The following ZBTB7C variants were observed in gnomAD, a reference collection of about 807,000 sequenced individuals.
ZBTB7C encodes zinc finger and BTB domain-containing protein 7C.
Under a neutral mutation model 25.7 loss-of-function variants are expected in ZBTB7C, and 8 were observed. The ratio of observed to expected loss-of-function variants is 0.31; its 90% CI spans 0.18 to 0.56. ZBTB7C has a LOEUF of 0.56. Among genes scored for constraint, ZBTB7C ranks in the 20% least tolerant of loss-of-function variants. The probability of loss-of-function intolerance (pLI) is 0.91; values close to 1 mark genes in which losing one functional copy is unlikely to be tolerated. For synonymous variants in ZBTB7C, 394 were observed against 369.0 expected, an observed-to-expected ratio of 1.07 and a Z score of -0.78; for missense variants, 824 against 855.2, an observed-to-expected ratio of 0.96 and a Z score of 0.46.
intron 3 of ZBTB7C, chr18:48,180,508 G>C (rs2041886568): frequency 5.4e-6 from 2 of 368,334 alleles, no homozygotes; most frequent in Admixed American, 3.3e-5. Context: ...AGCAGGCATG[G>C]GTGGTGTTTG....
chr18:48,074,592 C>A (rs2037687001), intron 3 of ZBTB7C, among the ~76,000 whole-genome samples: 1 of 152,228 alleles, frequency 6.6e-6, no homozygotes, highest in African/African-American at 2.4e-5. Context: ...CTTCCTTGCA[C>A]CTTTCTTGTA....
chr18:48,043,996 A>G (rs2036367347), intron 3 of ZBTB7C, among the ~76,000 whole-genome samples: 1 of 152,126 alleles, frequency 6.6e-6, no homozygotes, highest in Non-Finnish European at 1.5e-5. Flanking sequence ...CTAGAAGAGG[A>G]GAAGGATCCA....
In ZBTB7C at chr18:48,029,169, A is replaced by G. The variant is rs561346554; in HGVS notation, c.*91T>C. The G allele has an allele frequency of 7.1e-7, 1 of 1,413,034 alleles. No homozygotes were observed. Among genetic ancestry groups the G allele is most frequent in the African/African-American group, 1.5e-5 (1 of 65,434 alleles). 87.5% of individuals were successfully genotyped at this position (1,413,034 alleles called of 1,614,324 possible). A position where few individuals can be genotyped will look rare whatever the true frequency, so the allele number is the denominator to read the frequency against. On this transcript the variant is annotated 3_prime_UTR_variant, in exon 5 of 5. Transcript: ENST00000590800. ...TCCCATTTTCCCTTTGTGTTTTTAAAATGAAAAGTTCAGATCCATGGGGTA... is the reference window on the plus strand; with the variant it reads ...TCCCATTTTCCCTTTGTGTTTTTAAGATGAAAAGTTCAGATCCATGGGGTA...
intron 3 of ZBTB7C, among the ~76,000 whole-genome samples, chr18:48,083,348 G>T (rs959865962): frequency 1.1e-4 from 16 of 152,164 alleles, no homozygotes; most frequent in African/African-American, 3.9e-4. Flanking sequence ...TAACAATCTA[G>T]AAGCCTCAGT....
At chr18:48,044,884 C>T (rs957040851) in intron 3 of ZBTB7C, among the ~76,000 whole-genome samples, 3 of 152,212 alleles carry the variant, frequency 2.0e-5, no homozygotes, top group South Asian at 2.1e-4. Context: ...TTGTTACCAT[C>T]GTTCCCATTT....
chr18:48,383,462 C>T (rs2047676854), intron 1 of ZBTB7C, among the ~76,000 whole-genome samples: 1 of 152,052 alleles, frequency 6.6e-6, no homozygotes, highest in Admixed American at 6.6e-5. Flanking sequence ...GACAGGTTTT[C>T]ACCATGTTGG....
In ZBTB7C at chr18:48,041,576, T is replaced by C. The variant is rs193142013; in HGVS notation, c.-16-453A>G. On this transcript the variant is annotated intron_variant, in intron 3 of 4. Coordinates refer to ENST00000590800, the MANE Select transcript of ZBTB7C (RefSeq NM_001318841.2). ...GCTCTGATTTGTCTCACAAATCCTC[T>C]GATTCTGTAACAGACTTACACTTTG... 221 of 979,214 alleles carry C rather than the reference T, an allele frequency of 2.3e-4. 3 individuals carry two copies. In the East Asian group the frequency reaches 0.022, roughly 98 times the overall value. 60.7% of individuals were successfully genotyped at this position (979,214 alleles called of 1,614,324 possible).
At chr18:48,376,842 C>A (rs1045712163) in intron 1 of ZBTB7C, among the ~76,000 whole-genome samples, 1 of 152,250 alleles carries the variant, frequency 6.6e-6, no homozygotes. Flanking sequence ...ACACCCTCCT[C>A]CTCAGCCTCT....
At chr18:48,113,947 C>T (rs2039335332) in intron 3 of ZBTB7C, among the ~76,000 whole-genome samples, 1 of 152,214 alleles carries the variant, frequency 6.6e-6, no homozygotes, top group African/African-American at 2.4e-5. Flanking sequence ...TCTGTGTCTC[C>T]ATCTACTTGT....
At position 48,295,270 on chromosome 18, in the gene ZBTB7C, C is replaced by T. The variant is rs1309430205; in HGVS notation, c.-79+42904G>A. ...TCTGATGAGTCCCCAGGTAAAGCTG[C>T]TGTGGCCCAGGGGCCACATTTCAGA... is the stretch of plus-strand genomic sequence containing the variant. On this transcript the variant is annotated intron_variant, in intron 2 of 4. Transcript: ENST00000590800. Among the ~76,000 whole-genome samples, 3 of 152,346 alleles carry T rather than the reference C, an allele frequency of 2.0e-5. No individual in the cohort carries two copies. In the East Asian group the frequency reaches 5.8e-4, roughly 29 times the overall value.
intron 2 of ZBTB7C, among the ~76,000 whole-genome samples, chr18:48,235,557 G>T (rs574934010): frequency 7.5e-4 from 114 of 152,004 alleles, no homozygotes; most frequent in Non-Finnish European, 1.0e-3. Context: ...GTTTACCAAG[G>T]TTTTTGTTCT....
chr18:48,286,156 A>G (rs942054462), intron 2 of ZBTB7C, among the ~76,000 whole-genome samples: 1 of 152,060 alleles, frequency 6.6e-6, no homozygotes, highest in African/African-American at 2.4e-5. Context: ...TCTTGGTTTG[A>G]AGCCCAGCCT....
intron 1 of ZBTB7C, chr18:48,350,402 G>C (rs527499376): frequency 6.6e-6 from 1 of 152,160 alleles, no homozygotes; most frequent in African/African-American, 2.4e-5. Context: ...CTCTGACCAC[G>C]GCCAGGCAAG....
chr18:48,233,140 A>T (rs2043295879), intron 2 of ZBTB7C, among the ~76,000 whole-genome samples: 1 of 152,204 alleles, frequency 6.6e-6, no homozygotes, highest in African/African-American at 2.4e-5. Flanking sequence ...TGGTTAGGCC[A>T]TAAGGGCTCT....
chr18:48,167,398 C>G (rs79508480), intron 3 of ZBTB7C, among the ~76,000 whole-genome samples: 4,721 of 152,222 alleles, frequency 0.031, 76 homozygotes, highest in Middle Eastern at 0.075. Flanking sequence ...TGCTTTTTCT[C>G]TTTGGCGTTA....
At chr18:48,255,521 C>T (rs1325058816) in intron 2 of ZBTB7C, among the ~76,000 whole-genome samples, 1 of 152,100 alleles carries the variant, frequency 6.6e-6, no homozygotes. Context: ...GTTTATCTGA[C>T]CTTCCAAGAA....
At chr18:48,118,620 A>T (rs1374150350) in intron 3 of ZBTB7C, among the ~76,000 whole-genome samples, 2 of 152,196 alleles carry the variant, frequency 1.3e-5, no homozygotes, top group Admixed American at 1.3e-4. Flanking sequence ...CTCTAGTGCC[A>T]TTTATATTAG....
At chr18:48,312,397 G>GT (rs1189485377) in intron 2 of ZBTB7C, among the ~76,000 whole-genome samples, 2 of 152,134 alleles carry the variant, frequency 1.3e-5, no homozygotes, top group African/African-American at 4.8e-5. Flanking sequence ...ATCATCCCTT[G>GT]TGTCAGGACT....
In ZBTB7C at chr18:48,340,068, T is replaced by A. The variant is rs187001175; in HGVS notation, c.-303-1670A>T. Among the ~76,000 whole-genome samples the A allele has an allele frequency of 8.1e-4, 124 of 152,356 alleles. 3 individuals carry two copies. The highest frequency in any genetic ancestry group is 1.0e-4 in the Non-Finnish European group (7 of 68,030). On this transcript the variant is annotated intron_variant, in intron 1 of 4. Transcript: ENST00000590800. ...TCATATACTCTATGTGTGGAATATA[T>A]TCTTAAATAATAAAAATGAAAACAA...
Sources: gnomAD v4.1 joint callset for allele counts (sites outside exome capture counted in the v4.1 genomes callset) on GRCh38, gnomAD v4.1.1 for gene constraint, MANE v1.5 for transcripts, NCBI Gene and HGNC (gene_info 2026-07-23, HGNC 2026-07-21) for gene names.